Variants in UHRF2 observed in about 807,000 individuals in gnomAD.
The protein encoded by UHRF2 is E3 ubiquitin-protein ligase UHRF2.
Under a neutral mutation model 96.8 loss-of-function variants are expected in UHRF2, and 23 were observed. The ratio of observed to expected loss-of-function variants is 0.24; its 90% confidence interval spans 0.17 to 0.34. The LOEUF is 0.34. Among genes scored for constraint, UHRF2 ranks in the 10% least tolerant of loss-of-function variants. UHRF2 has a pLI of 1.00. For synonymous variants in UHRF2, 385 were observed against 332.6 expected, an observed-to-expected ratio of 1.16 and a Z score of -1.72; for missense variants, 685 against 981.5, an observed-to-expected ratio of 0.70 and a Z score of 4.04.
At chr9:6,450,132 C>T (rs144774418) in intron 3 of UHRF2, among the ~76,000 whole-genome samples, 2 of 152,150 alleles carry the variant, frequency 1.3e-5, no homozygotes, top group African/African-American at 4.8e-5. Context: ...AGTGTAACAA[C>T]AAATGTCACA....
intron 8 of UHRF2, among the ~76,000 whole-genome samples, chr9:6,485,149 C>G (rs1425315935): frequency 1.3e-5 from 2 of 152,094 alleles, no homozygotes; most frequent in Non-Finnish European, 2.9e-5. Context: ...TCTGTGTTCT[C>G]TTATCTTTGC....
intron 3 of UHRF2, among the ~76,000 whole-genome samples, chr9:6,459,909 G>A (rs1384784096): frequency 6.6e-6 from 1 of 152,182 alleles, no homozygotes; most frequent in Non-Finnish European, 1.5e-5. Flanking sequence ...GGAGTTTGAG[G>A]CTACAGTGAG....
At position 6,431,240 on chromosome 9, in the gene UHRF2, C is replaced by G. The variant is rs1820547145; in HGVS notation, c.385-2674C>G. On this transcript the variant is annotated intron_variant, in intron 2 of 15. Transcript: ENST00000276893. ...ATTTAAGAGCATTTCTGTCCCCACC[C>G]AGTTTATGTGCATTTCTGTGAGTGC... 2.0e-5 allele frequency among the ~76,000 whole-genome samples: 3 copies of G among 152,296 alleles called. No individual in the cohort carries two copies. In the South Asian group the frequency reaches 6.2e-4, roughly 32 times the overall value.
chr9:6,468,630 C>G (rs1214795843), intron 4 of UHRF2: 1 of 456,068 alleles, frequency 2.2e-6, no homozygotes, highest in Admixed American at 2.3e-5. Context: ...TGGGATGCCT[C>G]AAGCATATGG....
At chr9:6,460,875 TA>T in intron 4 of UHRF2, 84 bp downstream of exon 4, 5 of 1,063,938 alleles carry the variant, frequency 4.7e-6, no homozygotes, top group Admixed American at 3.1e-5. Context: ...TGTACCTTAG[TA>T]AAAAAAGATG....
At chr9:6,485,397 A>C (rs181534751) in intron 8 of UHRF2, among the ~76,000 whole-genome samples, 22 of 152,018 alleles carry the variant, frequency 1.4e-4, no homozygotes, top group Non-Finnish European at 2.8e-4. Flanking sequence ...TAAGATGACT[A>C]TGAGGTTGTT....
chr9:6,450,304 TC>T (rs34892051), intron 3 of UHRF2, among the ~76,000 whole-genome samples: 11,307 of 118,026 alleles, frequency 0.096, 739 homozygotes, highest in African/African-American at 0.19. Flanking sequence ...TTCTTCCCCT[TC>T]CCCCCCCCCC....
intron 3 of UHRF2, among the ~76,000 whole-genome samples, chr9:6,445,130 TAAAAAAAA>T (rs34294660): frequency 8.8e-6 from 1 of 114,152 alleles, no homozygotes; most frequent in East Asian, 2.9e-4. Context: ...ATCTCTTATT[TAAAAAAAA>T]AAAAAAAAAA....
chr9:6,489,750 A>G (rs1294110243), intron 9 of UHRF2, among the ~76,000 whole-genome samples: 1 of 130,156 alleles, frequency 7.7e-6, no homozygotes, highest in African/African-American at 3.0e-5. Context: ...TTTTTTTACC[A>G]TTCATCAGAT....
At chr9:6,458,816 C>T (rs1258880396) in intron 3 of UHRF2, among the ~76,000 whole-genome samples, 1 of 152,126 alleles carries the variant, frequency 6.6e-6, no homozygotes, top group Non-Finnish European at 1.5e-5. Context: ...TGGAACCAAC[C>T]CAAATGCCCG....
At chr9:6,453,221 CTG>C (rs1821974571) in intron 3 of UHRF2, among the ~76,000 whole-genome samples, 1 of 152,114 alleles carries the variant, frequency 6.6e-6, no homozygotes, top group Admixed American at 6.6e-5. Flanking sequence ...ATAAACATAA[CTG>C]TATATACAAT....
intron 4 of UHRF2, among the ~76,000 whole-genome samples, chr9:6,469,342 A>G (rs748021186): frequency 1.3e-5 from 2 of 151,912 alleles, no homozygotes; most frequent in Non-Finnish European, 2.9e-5. Flanking sequence ...ACATAGTGAA[A>G]CCCCGTCTCT....
intron 4 of UHRF2, among the ~76,000 whole-genome samples, chr9:6,465,418 G>A (rs1217420231): frequency 6.6e-6 from 1 of 152,112 alleles, no homozygotes; most frequent in African/African-American, 2.4e-5. Context: ...TCTCAATAAA[G>A]TCATCTGGGG....
chr9:6,425,734 A>G (rs922954069), intron 2 of UHRF2, among the ~76,000 whole-genome samples: 4 of 151,892 alleles, frequency 2.6e-5, no homozygotes, highest in Non-Finnish European at 5.9e-5. Context: ...CTGCACTCCA[A>G]GCCTGGGTGA....
chr9:6,489,774 G>A (rs536767536), intron 9 of UHRF2, among the ~76,000 whole-genome samples: 1 of 147,216 alleles, frequency 6.8e-6, no homozygotes, highest in South Asian at 2.1e-4. Context: ...TGGTCTTCAG[G>A]TATTTACTTG....
At chr9:6,466,800 G>A (rs374816778) in intron 4 of UHRF2, among the ~76,000 whole-genome samples, 10 of 152,184 alleles carry the variant, frequency 6.6e-5, no homozygotes, top group African/African-American at 2.2e-4. Context: ...CCTGCCTTGG[G>A]GCCTTTGTAC....
chr9:6,451,222 G>C (rs1242797137), intron 3 of UHRF2, among the ~76,000 whole-genome samples: 1 of 152,158 alleles, frequency 6.6e-6, no homozygotes, highest in African/African-American at 2.4e-5. Context: ...GGGCTGTCTA[G>C]TGAACTTGGT....
chr9:6,477,472 G>A (rs765760297), intron 5 of UHRF2, 150 bp from the exon 6 acceptor site: 21 of 627,420 alleles, frequency 3.3e-5, no homozygotes, highest in Non-Finnish European at 5.1e-5. Flanking sequence ...GCTGCAGTGA[G>A]CCAAGATCAC....
intron 9 of UHRF2, among the ~76,000 whole-genome samples, chr9:6,493,118 C>T (rs1056201915): frequency 6.6e-6 from 1 of 151,954 alleles, no homozygotes; most frequent in Non-Finnish European, 1.5e-5. Context: ...GCCAACATGA[C>T]AAAACCCCAT....
Sources: gnomAD v4.1 joint callset for allele counts (sites outside exome capture counted in the v4.1 genomes callset) on GRCh38, gnomAD v4.1.1 for gene constraint, MANE v1.5 for transcripts, NCBI Gene and HGNC (gene_info 2026-07-23, HGNC 2026-07-21) for gene names.